The following COL5A3 variants were observed in gnomAD, a reference collection of about 807,000 sequenced individuals.
The protein encoded by COL5A3 is collagen alpha-3(V) chain.
A neutral mutation model predicts 250.0 loss-of-function variants in COL5A3; 172 were observed. The ratio of observed to expected loss-of-function variants is 0.69; its 90% confidence interval spans 0.61 to 0.78. The LOEUF (loss-of-function observed/expected upper bound fraction) is 0.78. Among genes scored for constraint, COL5A3 ranks in the 30% least tolerant of loss-of-function variants. The probability of loss-of-function intolerance (pLI) is 0.00; values close to 1 mark genes in which losing one functional copy is unlikely to be tolerated. For missense variants in COL5A3, 2,340 were observed against 2,334.4 expected (o/e 1.00, Z -0.05); for synonymous variants, 937 against 900.4 (o/e 1.04, Z -0.73).
At chr19:10,006,718 T>C (rs943459393) in intron 1 of COL5A3, among the ~76,000 whole-genome samples, 1 of 151,960 alleles carries the variant, frequency 6.6e-6, no homozygotes, top group East Asian at 1.9e-4. Context: ...CCACAACCTC[T>C]TCCTTTTGAC....
chr19:9,970,605 G>T lies in COL5A3; in HGVS notation c.3936+17C>A. 1 of 1,427,486 alleles carries T rather than the reference G, an allele frequency of 7.0e-7. No individual in the cohort carries two copies. Among genetic ancestry groups the T allele is most frequent in the East Asian group, 2.7e-5 (1 of 37,612 alleles). 88.4% of individuals were successfully genotyped at this position (1,427,486 alleles called of 1,614,324 possible). A position where few individuals can be genotyped will look rare whatever the true frequency, so the allele number is the denominator to read the frequency against. The stretch of plus-strand genomic sequence containing the variant: ...CTGTAGATAAGCTGAGGACCCAGGA[G>T]GTGGCTTATCACTTACCCTCTTGCC... On this transcript the variant is annotated intron_variant, in intron 54 of 66. Transcript: ENST00000264828.
At chr19:9,972,525 C>T (rs2086866303) in intron 51 of COL5A3, among the ~76,000 whole-genome samples, 1 of 152,196 alleles carries the variant, frequency 6.6e-6, no homozygotes, top group African/African-American at 2.4e-5. Flanking sequence ...TTAGAGGATG[C>T]AATCCCTGGC....
At chr19:9,990,615 T>C (rs1434500374) in intron 24 of COL5A3, among the ~76,000 whole-genome samples, 1 of 151,568 alleles carries the variant, frequency 6.6e-6, no homozygotes, top group African/African-American at 2.4e-5. Flanking sequence ...CAGGCTGGAG[T>C]GCAGTGGCAA....
intron 54 of COL5A3, among the ~76,000 whole-genome samples, chr19:9,970,208 GCTGTGGGTGAGT>G (rs2086815428): frequency 5.4e-5 from 1 of 18,486 alleles, no homozygotes; most frequent in African/African-American, 6.0e-4. Context: ...GTGAGTGGGG[GCTGTGGGTGAGT>G]GGGGGCTGTG....
At chr19:10,007,605 C>T (rs532708645) in intron 1 of COL5A3, among the ~76,000 whole-genome samples, 7 of 152,306 alleles carry the variant, frequency 4.6e-5, no homozygotes, top group Admixed American at 4.6e-4. Flanking sequence ...TGACCCCCTG[C>T]CCCAGCCTCT....
In COL5A3 at chr19:9,969,345, T is replaced by C; in HGVS notation, c.4152+4A>G. ...AGAACCTCAAGGATGAACAAGTCTC[T>C]TACCAGGGGGCCAGGAGGGCCCATC... On this transcript the variant is annotated splice_donor_region_variant and intron_variant, in intron 57 of 66. Coordinates refer to ENST00000264828, the MANE Select transcript of COL5A3 (RefSeq NM_015719.4). 2 of 1,593,468 alleles carry C rather than the reference T, an allele frequency of 1.3e-6. No homozygotes were observed. Among genetic ancestry groups the C allele is most frequent in the Non-Finnish European group, 1.7e-6 (2 of 1,172,538 alleles).
At chr19:9,967,766 G>A in intron 61 of COL5A3, 138 bp downstream of exon 61, 1 of 800,080 alleles carries the variant, frequency 1.2e-6, no homozygotes, top group Admixed American at 2.7e-5. Flanking sequence ...TACAACCGTA[G>A]GTGTTGAATA....
chr19:10,006,157 G>T lies in COL5A3; in HGVS notation c.163C>A (p.Pro55Thr). Reference sequence around the variant, plus strand: ...CGGTCACCCTCTGGAGTCCTCTGGGGACAGAAGCCAGGCCCCTCGGGGACC... The same window carrying T: ...CGGTCACCCTCTGGAGTCCTCTGGGTACAGAAGCCAGGCCCCTCGGGGACC... ...AGVPEGPGFC[P>T]QRTPEGDRAF... The change falls in exon 2 of 67, where the codon CCC becomes ACC. Residue 55 changes from proline to threonine, a missense_variant. Around this residue, in one of 3 missense-constraint regions of COL5A3, gnomAD observed 1,152 missense variants for 1,146.3 expected, o/e 1.00. Coordinates refer to ENST00000264828, the MANE Select transcript of COL5A3 (RefSeq NM_015719.4). The T allele has an allele frequency of 6.2e-7, 1 of 1,611,734 alleles. No individual in the cohort carries two copies. Among genetic ancestry groups the T allele is most frequent in the Non-Finnish European group, 8.5e-7 (1 of 1,179,002 alleles).
chr19:9,985,602 T>G (rs963341087), intron 31 of COL5A3, among the ~76,000 whole-genome samples: 6 of 151,982 alleles, frequency 3.9e-5, no homozygotes, highest in Non-Finnish European at 7.4e-5. Flanking sequence ...GACCACGTTT[T>G]GCCACGTTGC....
Position 9,991,800 on chromosome 19 carries a change from G to A in COL5A3, c.1935C>T (p.Asn645=). 2.1e-5 allele frequency: 34 copies of A among 1,607,786 alleles called. No individual in the cohort carries two copies. The highest frequency in any genetic ancestry group is 2.7e-5 in the Non-Finnish European group (32 of 1,177,320). Residue 645 remains asparagine (N), a synonymous_variant, in exon 23 of 67, where the codon AAC becomes AAT. Transcript: ENST00000264828. The stretch of plus-strand genomic sequence containing the variant: ...AGACAGTTCAAACCTGGGACCCATG[G>A]TTTCCCTGCTGTCCCGGAGGGCCTG... ...GEPGPPGQQG[N]HGSQGLPGPQ... is the part of the protein sequence containing the mutation.
In COL5A3 at chr19:9,969,683, C is replaced by G; in HGVS notation, c.3991-1G>C. 1.9e-6 allele frequency: 3 copies of G among 1,587,246 alleles called. No homozygotes were observed. Among genetic ancestry groups the G allele is most frequent in the Non-Finnish European group, 2.6e-6 (3 of 1,172,376 alleles). On this transcript the variant is annotated splice_acceptor_variant, in intron 55 of 66. Transcript: ENST00000264828. LOFTEE classifies it high-confidence loss of function. ...GGGGCCCATCAGGACCTGGCTCCCCCTGAAATGGACACAGGCAAGGGAGGG... is the reference window on the plus strand; with the variant it reads ...GGGGCCCATCAGGACCTGGCTCCCCGTGAAATGGACACAGGCAAGGGAGGG...
At chr19:9,992,102 G>A in intron 21 of COL5A3, 54 bp from the exon 22 acceptor site, 1 of 1,503,702 alleles carries the variant, frequency 6.7e-7, no homozygotes, top group Non-Finnish European at 9.2e-7. Flanking sequence ...GGGAGCCTGA[G>A]TCTGAGACAC....
chr19:9,995,882 A>C, intron 15 of COL5A3, 184 bp downstream of exon 15: 1 of 651,820 alleles, frequency 1.5e-6, no homozygotes, highest in Non-Finnish European at 2.6e-6. Context: ...GGCCTCAAGC[A>C]ATCCTCCCAC....
At chr19:9,970,513 G>T (rs1302351476) in intron 54 of COL5A3, 109 bp downstream of exon 54, 1 of 598,066 alleles carries the variant, frequency 1.7e-6, no homozygotes, top group African/African-American at 2.0e-5. Context: ...GGGGTCTGTG[G>T]GTGTGTGGGG....
In COL5A3 at chr19:9,996,440, T is replaced by A; in HGVS notation, c.1415A>T (p.Gln472Leu). 6.2e-7 allele frequency: 1 copy of A among 1,613,982 alleles called. No homozygotes were observed. The highest frequency in any genetic ancestry group is 8.5e-7 in the Non-Finnish European group (1 of 1,179,982). Residue 472 changes from glutamine (Q) to leucine (L), a missense_variant, in exon 13 of 67, where the codon CAG becomes CTG. This residue lies in a region of COL5A3 where 1,152 missense variants were observed against 1,146.3 expected (regional missense o/e 1.00). Transcript: ENST00000264828. ...QQAQAQAVLQQTQLSMKGPPG... is the reference protein window; with the variant it reads ...QQAQAQAVLQLTQLSMKGPPG... ...TCCACACCTCCCACTCACCTGAGTC[T>A]GCTGCAGAACTGCCTGAGCCTGGGC...
At chr19:9,976,104 C>G (rs1368692724) in intron 45 of COL5A3, among the ~76,000 whole-genome samples, 165 of 77,610 alleles carry the variant, frequency 2.1e-3, no homozygotes, top group Middle Eastern at 0.011. Flanking sequence ...AGACATGGTT[C>G]GACTGGGATT....
intron 8 of COL5A3, among the ~76,000 whole-genome samples, chr19:9,999,745 C>A (rs866539567): frequency 1.3e-5 from 2 of 151,986 alleles, no homozygotes; most frequent in South Asian, 4.1e-4. Flanking sequence ...GGATTACAGG[C>A]GTGAGCCACC....
At position 9,995,585 on chromosome 19, in the gene COL5A3, G is replaced by T. The variant is rs760274912; in HGVS notation, c.1566C>A (p.Pro522=). The change falls in exon 16 of 67, where the codon CCC becomes CCA. Residue 522 remains proline, a synonymous_variant. Transcript: ENST00000264828. ...GPRGLQGPHG[P]PGRVGKMGRP... is the part of the protein sequence containing the mutation. ...TCACCATCTTGCCCACTCGGCCAGG[G>T]GGTCCATGAGGTCCCTGCAGGCCTC... 2.5e-6 allele frequency: 4 copies of T among 1,608,252 alleles called. No homozygotes were observed. Among genetic ancestry groups the T allele is most frequent in the Non-Finnish European group, 3.4e-6 (4 of 1,176,768 alleles).
Position 9,960,123 on chromosome 19 carries a change from G to C in COL5A3, c.*288C>G. On this transcript the variant is annotated 3_prime_UTR_variant, in exon 67 of 67. Coordinates refer to ENST00000264828, the MANE Select transcript of COL5A3 (RefSeq NM_015719.4). ...CTCTGAGTTAGAAGCTCATTGCATG[G>C]GGGTTCAAGGGGTGGGGAGGTGAGG... 2.2e-6 allele frequency: 1 copy of C among 464,202 alleles called. No homozygotes were observed. The highest frequency in any genetic ancestry group is 2.5e-5 in the South Asian group (1 of 40,300). The allele number at this position is 464,202 out of a possible 1,614,324, so 28.8% of individuals were successfully genotyped here. A position where few individuals can be genotyped will look rare whatever the true frequency, so the allele number is the denominator to read the frequency against.
Sources: gnomAD v4.1 joint callset for allele counts (sites outside exome capture counted in the v4.1 genomes callset) on GRCh38, gnomAD v4.1.1 for gene constraint, gnomAD v4.1.1 regional missense constraint, MANE v1.5 for transcripts, NCBI Gene and HGNC (gene_info 2026-07-23, HGNC 2026-07-21) for gene names.